The following PTPRC variants were observed in gnomAD, a reference collection of about 807,000 sequenced individuals.
The protein encoded by PTPRC is protein tyrosine phosphatase receptor type C.
A neutral mutation model predicts 155.9 loss-of-function variants in PTPRC; 44 were observed. That is an observed-to-expected ratio of 0.28 (90% confidence interval 0.22 to 0.36). The LOEUF (loss-of-function observed/expected upper bound fraction) is 0.36, where lower values mean the gene tolerates loss of function less well. Among genes scored for constraint, PTPRC ranks in the 10% least tolerant of loss-of-function variants. The pLI, the probability that PTPRC is intolerant of heterozygous loss-of-function variation, is 1.00. For missense variants in PTPRC, 1,401 were observed against 1,564.6 expected (o/e 0.90, Z 1.76); for synonymous variants, 525 against 533.1 (o/e 0.98, Z 0.21).
In PTPRC at chr1:198,699,564, G is replaced by T; in HGVS notation, c.299G>T (p.Gly100Val). Residue 100 changes from glycine (G) to valine (V), a missense_variant and splice_region_variant, in exon 5 of 33, where the codon GGT becomes GTT. This residue lies in a region of PTPRC where 867 missense variants were observed against 970.4 expected (regional missense o/e 0.89). Transcript: ENST00000442510. ...TAATGATCTCACTTTCCTACCTTAG[G>T]TGTTTCATCAGTACAGACGCCTCAC... The part of the protein sequence containing the change: ...LDNASAFNTT[G>V]VSSVQTPHLP... 6.2e-7 allele frequency: 1 copy of T among 1,614,134 alleles called. No homozygotes were observed. Among genetic ancestry groups the T allele is most frequent in the South Asian group, 1.1e-5 (1 of 91,086 alleles).
intron 2 of PTPRC, among the ~76,000 whole-genome samples, chr1:198,649,871 G>A (rs542595154): frequency 3.6e-4 from 54 of 151,974 alleles, no homozygotes; most frequent in African/African-American, 1.2e-3. Context: ...GATAACTTCA[G>A]TTATAGATAA....
Position 198,692,301 on chromosome 1 carries a change from A to C in PTPRC, c.74-46A>C. 2.1e-6 allele frequency: 3 copies of C among 1,410,562 alleles called. No individual in the cohort carries two copies. In the East Asian group the frequency reaches 7.7e-5, roughly 36 times the overall value. 87.4% of individuals were successfully genotyped at this position (1,410,562 alleles called of 1,614,324 possible). ...TCTAATATATGTTTACATTAATATG[A>C]ATGAAATTTGAAATTTTCTAAGAGA... On this transcript the variant is annotated intron_variant, in intron 2 of 32. Coordinates refer to ENST00000442510, the MANE Select transcript of PTPRC (RefSeq NM_002838.5).
At chr1:198,698,001 G>T (rs1446965618) in intron 4 of PTPRC, among the ~76,000 whole-genome samples, 1 of 152,106 alleles carries the variant, frequency 6.6e-6, no homozygotes, top group African/African-American at 2.4e-5. Context: ...TGAACACATT[G>T]CCCAAAATTT....
intron 22 of PTPRC, 126 bp downstream of exon 22, chr1:198,734,551 G>T: frequency 1.2e-6 from 1 of 852,328 alleles, no homozygotes; most frequent in Non-Finnish European, 2.0e-6. Context: ...TTTAATCAGT[G>T]TTAACATTTA....
At chr1:198,707,991 C>G (rs1653088599) in intron 9 of PTPRC, 142 bp from the exon 10 acceptor site, 2 of 647,260 alleles carry the variant, frequency 3.1e-6, no homozygotes, top group Non-Finnish European at 5.2e-6. Context: ...TTAGACTTTT[C>G]CCATAGCAAT....
chr1:198,706,697 C>T (rs1301240669), intron 8 of PTPRC, 37 bp from the exon 9 acceptor site: 2 of 1,579,828 alleles, frequency 1.3e-6, no homozygotes, highest in Admixed American at 3.4e-5. Flanking sequence ...TTTATTTATT[C>T]TGGAAAAATA....
chr1:198,656,646 G>GTTTTTTTT (rs1017437706), intron 2 of PTPRC, among the ~76,000 whole-genome samples: 4 of 86,512 alleles, frequency 4.6e-5, no homozygotes, highest in Non-Finnish European at 6.6e-5. Flanking sequence ...CTAGTTTTTT[G>GTTTTTTTT]TTTTTTGTTT....
intron 24 of PTPRC, 22 bp downstream of exon 24, chr1:198,742,048 A>T (rs1433024766): frequency 6.2e-7 from 1 of 1,609,838 alleles, no homozygotes; most frequent in South Asian, 1.1e-5. Context: ...GAACAAAAAA[A>T]AAAAACAACA....
chr1:198,730,489 T>A (rs1034230162), intron 17 of PTPRC, among the ~76,000 whole-genome samples: 2 of 152,128 alleles, frequency 1.3e-5, no homozygotes, highest in Non-Finnish European at 2.9e-5. Flanking sequence ...TTGATAAATA[T>A]TAGTGAATAA....
At chr1:198,703,464 CCTTT>C (rs770925716) in intron 7 of PTPRC, 92 bp downstream of exon 7, 2 of 1,596,078 alleles carry the variant, frequency 1.3e-6, no homozygotes, top group Admixed American at 1.7e-5. Flanking sequence ...ACCTCGGGCT[CCTTT>C]CTTTAAGTTG....
intron 2 of PTPRC, among the ~76,000 whole-genome samples, chr1:198,663,779 C>A (rs1664121228): frequency 6.6e-6 from 1 of 152,120 alleles, no homozygotes. Context: ...AATTTGAGTG[C>A]ATACCTCACA....
At chr1:198,647,025 A>G (rs749937360) in intron 2 of PTPRC, among the ~76,000 whole-genome samples, 4 of 151,752 alleles carry the variant, frequency 2.6e-5, no homozygotes. Flanking sequence ...TGTAACTTGC[A>G]TTTTTCTAAA....
intron 11 of PTPRC, among the ~76,000 whole-genome samples, chr1:198,712,379 T>G (rs550784964): frequency 6.6e-6 from 1 of 152,254 alleles, no homozygotes; most frequent in East Asian, 1.9e-4. Flanking sequence ...AGAAGGACAT[T>G]TTGGGATCAC....
At chr1:198,751,492 A>G (rs1655381501) in intron 29 of PTPRC, among the ~76,000 whole-genome samples, 1 of 151,444 alleles carries the variant, frequency 6.6e-6, no homozygotes, top group African/African-American at 2.4e-5. Context: ...TCTCACCCTC[A>G]CCTGGTCCCC....
At chr1:198,716,266 G>T (rs1249638481) in intron 12 of PTPRC, among the ~76,000 whole-genome samples, 2 of 152,066 alleles carry the variant, frequency 1.3e-5, no homozygotes, top group Non-Finnish European at 2.9e-5. Flanking sequence ...CAAAACAGTA[G>T]CTAATACCGA....
chr1:198,694,090 C>T (rs1336438985), intron 3 of PTPRC: 2 of 1,548,820 alleles, frequency 1.3e-6, no homozygotes, highest in East Asian at 4.9e-5. Flanking sequence ...GCTGACAGTT[C>T]AGCCTTCAGT....
At chr1:198,703,459 G>T (rs763145226) in intron 7 of PTPRC, 87 bp downstream of exon 7, 2 of 1,599,468 alleles carry the variant, frequency 1.3e-6, no homozygotes, top group South Asian at 2.2e-5. Flanking sequence ...ACTCTACCTC[G>T]GGCTCCTTTC....
In PTPRC at chr1:198,757,046, G is replaced by A. The variant is rs553398379; in HGVS notation, c.*865G>A. On this transcript the variant is annotated 3_prime_UTR_variant, in exon 33 of 33. Transcript: ENST00000442510. ...TAATATTCATTGTATAAAAATAGAA[G>A]AATACAAACATATTTGTTAAATATT... 27 of 151,714 alleles carry A rather than the reference G, an allele frequency of 1.8e-4. No individual in the cohort carries two copies. Among genetic ancestry groups the A allele is most frequent in the Admixed American group, 1.6e-3 (24 of 15,234 alleles). The allele number at this position is 151,714 out of a possible 1,614,324, so 9.4% of individuals were successfully genotyped here.
At chr1:198,725,670 G>A (rs774540668) in intron 15 of PTPRC, among the ~76,000 whole-genome samples, 3 of 151,882 alleles carry the variant, frequency 2.0e-5, no homozygotes, top group Non-Finnish European at 4.4e-5. Context: ...TTTTCCTTTT[G>A]TCTTCTCCTC....
Sources: gnomAD v4.1 joint callset for allele counts (sites outside exome capture counted in the v4.1 genomes callset) on GRCh38, gnomAD v4.1.1 for gene constraint, gnomAD v4.1.1 regional missense constraint, MANE v1.5 for transcripts, NCBI Gene and HGNC (gene_info 2026-07-23, HGNC 2026-07-21) for gene names.